The following MTMR12 variants were observed in gnomAD, a reference collection of about 807,000 sequenced individuals.
MTMR12 encodes the protein myotubularin-related protein 12.
In MTMR12, 33 loss-of-function variants were observed where a neutral mutation model predicts 96.7. The ratio of observed to expected loss-of-function variants is 0.34; its 90% CI spans 0.26 to 0.46. The LOEUF is 0.46. Ranked by LOEUF, MTMR12 falls within the 20% of genes least tolerant of loss-of-function variation. The probability of loss-of-function intolerance (pLI) is 1.00; values close to 1 mark genes in which losing one functional copy is unlikely to be tolerated. For synonymous variants in MTMR12, 298 were observed against 327.2 expected (o/e 0.91, Z 0.96); for missense variants, 721 against 896.1 (o/e 0.80, Z 2.49).
At chr5:32,263,620 T>C (rs750990254) in intron 6 of MTMR12, among the ~76,000 whole-genome samples, 1 of 152,090 alleles carries the variant, frequency 6.6e-6, no homozygotes, top group Non-Finnish European at 1.5e-5. Flanking sequence ...GTATTTTTAG[T>C]AGAGACGGGG....
intron 6 of MTMR12, among the ~76,000 whole-genome samples, chr5:32,264,367 C>A (rs908025442): frequency 7.2e-5 from 11 of 152,090 alleles, no homozygotes; most frequent in African/African-American, 2.7e-4. Flanking sequence ...AGCTCCTTTT[C>A]ATAAAACCAG....
At chr5:32,253,548 C>T (rs1224829181) in intron 8 of MTMR12, among the ~76,000 whole-genome samples, 1 of 152,202 alleles carries the variant, frequency 6.6e-6, no homozygotes, top group African/African-American at 2.4e-5. Flanking sequence ...TGTTCATTCA[C>T]ACAAACTCCA....
At chr5:32,237,098 G>C (rs1245752786) in intron 13 of MTMR12, among the ~76,000 whole-genome samples, 27 of 152,218 alleles carry the variant, frequency 1.8e-4, no homozygotes, top group Admixed American at 1.7e-3. Flanking sequence ...AAGCCCTTAC[G>C]ATCAGGAGCC....
At chr5:32,255,514 T>C (rs993282431) in intron 8 of MTMR12, among the ~76,000 whole-genome samples, 179 bp downstream of exon 8, 22 of 152,346 alleles carry the variant, frequency 1.4e-4, no homozygotes, top group African/African-American at 5.3e-4. Context: ...GTGAAAACTT[T>C]AGAACTCTGT....
intron 15 of MTMR12, among the ~76,000 whole-genome samples, chr5:32,230,995 T>C (rs1251401115): frequency 6.6e-6 from 1 of 152,180 alleles, no homozygotes; most frequent in Non-Finnish European, 1.5e-5. Flanking sequence ...GCAACCTGCA[T>C]GGAGTAGAAA....
chr5:32,291,601 C>T (rs577468354), intron 1 of MTMR12, among the ~76,000 whole-genome samples: 1 of 152,234 alleles, frequency 6.6e-6, no homozygotes, highest in African/African-American at 2.4e-5. Context: ...TAGGGTGACC[C>T]GTTCTGTGGA....
intron 1 of MTMR12, among the ~76,000 whole-genome samples, chr5:32,311,713 A>G (rs1475260114): frequency 6.6e-6 from 1 of 152,188 alleles, no homozygotes; most frequent in African/African-American, 2.4e-5. Context: ...CTCTCCTATG[A>G]CTGTCCCCCT....
At chr5:32,304,399 G>A (rs1049418781) in intron 1 of MTMR12, among the ~76,000 whole-genome samples, 1 of 151,980 alleles carries the variant, frequency 6.6e-6, no homozygotes, top group African/African-American at 2.4e-5. Flanking sequence ...ACTTATAAAT[G>A]GAATCATTGC....
At chr5:32,258,681 G>C (rs1749234524) in intron 7 of MTMR12, among the ~76,000 whole-genome samples, 3 of 152,120 alleles carry the variant, frequency 2.0e-5, no homozygotes, top group Non-Finnish European at 4.4e-5. Flanking sequence ...CACTGCTCTA[G>C]ATGGTAGCTT....
At chr5:32,264,642 G>A (rs1479318170) in intron 6 of MTMR12, among the ~76,000 whole-genome samples, 1 of 151,980 alleles carries the variant, frequency 6.6e-6, no homozygotes, top group Non-Finnish European at 1.5e-5. Context: ...TGTATTTTTA[G>A]TAGAGACGGG....
At chr5:32,243,644 G>A (rs1412590127) in intron 10 of MTMR12, 45 bp from the exon 11 acceptor site, 5 of 1,274,514 alleles carry the variant, frequency 3.9e-6, no homozygotes, top group Non-Finnish European at 5.7e-6. Flanking sequence ...ATTGTTCACT[G>A]ACATACTTGC....
At chr5:32,236,503 T>C (rs1748235955) in intron 13 of MTMR12, among the ~76,000 whole-genome samples, 1 of 152,090 alleles carries the variant, frequency 6.6e-6, no homozygotes, top group African/African-American at 2.4e-5. Context: ...GCCATGACTG[T>C]GCAACTGTAT....
chr5:32,307,475 A>G (rs1751406453), intron 1 of MTMR12, among the ~76,000 whole-genome samples: 1 of 151,946 alleles, frequency 6.6e-6, no homozygotes, highest in Non-Finnish European at 1.5e-5. Context: ...CCTCCCTCCT[A>G]TTCATCTCAA....
At chr5:32,244,619 A>T (rs952328588) in intron 10 of MTMR12, among the ~76,000 whole-genome samples, 1 of 152,156 alleles carries the variant, frequency 6.6e-6, no homozygotes, top group Non-Finnish European at 1.5e-5. Flanking sequence ...AAAGTTGCAA[A>T]CTCAAATCAA....
chr5:32,235,153 C>A (rs772545352), intron 13 of MTMR12, 24 bp from the exon 14 acceptor site: 1 of 1,601,010 alleles, frequency 6.2e-7, no homozygotes, highest in Non-Finnish European at 8.5e-7. Context: ...AGATACGTTA[C>A]TTGGTGGGCA....
chr5:32,266,712 CA>C (rs369203240), intron 6 of MTMR12, among the ~76,000 whole-genome samples: 6,976 of 148,382 alleles, frequency 0.047, 298 homozygotes, highest in African/African-American at 0.11. Context: ...CCAACAACAA[CA>C]AAAAAAAACT....
rs771102847 is a variant in MTMR12, at chr5:32,229,897, C to T, written c.2125G>A (p.Ala709Thr). Reference sequence around the variant, plus strand: ...TTAGAGGAATGTCGCTGGAGCAGAGCGAAAGGAAACAAAGACGAGAGGCGG... The same window carrying T: ...TTAGAGGAATGTCGCTGGAGCAGAGTGAAAGGAAACAAAGACGAGAGGCGG... Reference protein sequence around the residue: ...SARLSSLFPFALLQRHSSKPV... With the variant: ...SARLSSLFPFTLLQRHSSKPV... The change falls in exon 16 of 16, where the codon GCT becomes ACT. Residue 709 changes from alanine (A) to threonine (T), a missense_variant. Physicochemically the swap from Ala to Thr is moderately conservative, Grantham distance 58 (BLOSUM62 0). Transcript: ENST00000382142. 1.5e-5 allele frequency: 24 copies of T among 1,613,026 alleles called. No homozygotes were observed. Among genetic ancestry groups the T allele is most frequent in the East Asian group, 4.5e-5 (2 of 44,864 alleles).
In MTMR12 at chr5:32,233,933, C is replaced by T. The variant is rs1227399077; in HGVS notation, c.1514G>A (p.Gly505Asp). 8 of 1,614,184 alleles carry T rather than the reference C, an allele frequency of 5.0e-6. No homozygotes were observed. The highest frequency in any genetic ancestry group is 2.7e-5 in the African/African-American group (2 of 75,046). The change falls in exon 15 of 16, where the codon GGT (glycine) becomes GAT (aspartate). Residue 505 changes from glycine to aspartate, a missense_variant and splice_region_variant. Physicochemically the swap from Gly to Asp is moderately conservative, Grantham distance 94 (BLOSUM62 -1). Transcript: ENST00000382142. This position sits in a 1 kb window ranked among gnomAD's most constrained non-coding sequence, Gnocchi z 5.0. ...NSPHQKDTNM[G>D]REGQDTQSKP... ...GCTTTGTGTATCCTGGCCTTCTCTACCCTGCCAAAACAAGCACAGGTCATG... is the reference window on the plus strand; with the variant it reads ...GCTTTGTGTATCCTGGCCTTCTCTATCCTGCCAAAACAAGCACAGGTCATG...
At chr5:32,299,248 C>T (rs530587367) in intron 1 of MTMR12, among the ~76,000 whole-genome samples, 1 of 152,224 alleles carries the variant, frequency 6.6e-6, no homozygotes, top group East Asian at 1.9e-4. Context: ...TTATTTTATT[C>T]CCATTTCACA....
Sources: allele counts gnomAD v4.1 joint callset (sites outside exome capture counted in the v4.1 genomes callset), GRCh38; gene constraint gnomAD v4.1.1; non-coding constraint Gnocchi (gnomAD v3.1); transcripts MANE v1.5; gene names NCBI Gene and HGNC (gene_info 2026-07-23, HGNC 2026-07-21).